ZNF407: variants seen among roughly 807,000 people sequenced by gnomAD.
The protein encoded by ZNF407 is zinc finger protein 407.
In ZNF407, 17 loss-of-function variants were observed where a neutral mutation model predicts 131.2. The ratio of observed to expected loss-of-function variants is 0.13; its 90% CI spans 0.09 to 0.19. The LOEUF (loss-of-function observed/expected upper bound fraction) is 0.19. ZNF407 is among the 10% of genes least tolerant of loss of function. The pLI is 1.00. For synonymous variants in ZNF407, 1,156 were observed against 1,062.0 expected, an observed-to-expected ratio of 1.09 and a Z score of -1.72; for missense variants, 2,681 against 2,830.6, an observed-to-expected ratio of 0.95 and a Z score of 1.20.
chr18:74,632,548 A>C lies in ZNF407; in HGVS notation c.1529A>C (p.Asp510Ala). ...EQGQGSARPPDSGLHSLTVKP... is the reference protein window; with the variant it reads ...EQGQGSARPPASGLHSLTVKP... ...GGCCAGGGGAGTGCCCGTCCTCCGG[A>C]CTCCGGGCTGCATTCCCTGACAGTG... The change falls in exon 2 of 9, where the codon GAC (aspartate) becomes GCC (alanine). Residue 510 changes from aspartate (D) to alanine (A), a missense_variant. Physicochemically the swap from Asp to Ala is moderately radical, Grantham distance 126. Around this residue, in one of 6 missense-constraint regions of ZNF407, gnomAD observed 1,789 missense variants for 1,748.7 expected, o/e 1.02. Coordinates refer to ENST00000299687, the MANE Select transcript of ZNF407 (RefSeq NM_017757.3). The C allele has an allele frequency of 1.2e-6, 2 of 1,613,948 alleles. No homozygotes were observed. Among genetic ancestry groups the C allele is most frequent in the Non-Finnish European group, 1.7e-6 (2 of 1,179,894 alleles).
intron 3 of ZNF407, among the ~76,000 whole-genome samples, chr18:74,677,023 G>C (rs2144767417): frequency 6.6e-6 from 1 of 152,200 alleles, no homozygotes; most frequent in East Asian, 1.9e-4. Context: ...TTGGACCCCT[G>C]CAGCTGGGAC....
intron 3 of ZNF407, among the ~76,000 whole-genome samples, chr18:74,718,777 T>C (rs1599096029): frequency 6.6e-6 from 1 of 152,214 alleles, no homozygotes; most frequent in African/African-American, 2.4e-5. Context: ...ATCTACTTAT[T>C]CTAGTAGCTT....
intron 7 of ZNF407, among the ~76,000 whole-genome samples, chr18:74,895,715 T>G (rs1201407846): frequency 2.0e-5 from 3 of 152,218 alleles, no homozygotes; most frequent in Non-Finnish European, 4.4e-5. Context: ...CACTTTATGT[T>G]GATAATGCAT....
intron 7 of ZNF407, 121 bp downstream of exon 7, chr18:74,890,159 A>G (rs1483667107): frequency 1.5e-5 from 17 of 1,138,888 alleles, no homozygotes; most frequent in South Asian, 6.1e-5. Context: ...TTCGGTTGGG[A>G]GCTAATTACC....
At chr18:74,831,768 C>T (rs1395805408) in intron 4 of ZNF407, among the ~76,000 whole-genome samples, 1 of 152,168 alleles carries the variant, frequency 6.6e-6, no homozygotes, top group Non-Finnish European at 1.5e-5. Context: ...TGTGCATCAC[C>T]CTGAGTGTGG....
At chr18:74,622,050 G>A (rs946975060) in intron 1 of ZNF407, among the ~76,000 whole-genome samples, 3 of 152,140 alleles carry the variant, frequency 2.0e-5, no homozygotes, top group African/African-American at 7.2e-5. Context: ...ACTTGCAGTT[G>A]TAAACCTTTT....
chr18:75,017,507 T>C (rs999089256), intron 8 of ZNF407, among the ~76,000 whole-genome samples: 2 of 152,110 alleles, frequency 1.3e-5, no homozygotes, highest in African/African-American at 4.8e-5. Flanking sequence ...GTAGCCAAGA[T>C]ATCAGTGCTA....
At chr18:74,612,958 G>A (rs1239316614) in intron 1 of ZNF407, among the ~76,000 whole-genome samples, 1 of 152,164 alleles carries the variant, frequency 6.6e-6, no homozygotes, top group Non-Finnish European at 1.5e-5. Context: ...GTTTATTTAC[G>A]TCCTTTTTTA....
intron 1 of ZNF407, among the ~76,000 whole-genome samples, chr18:74,610,138 A>G (rs1055541828): frequency 1.3e-5 from 2 of 152,196 alleles, no homozygotes; most frequent in African/African-American, 4.8e-5. Context: ...CCTGCAATAC[A>G]CAAGCCACTC....
At position 75,064,203 on chromosome 18, in the gene ZNF407, G is replaced by C. The variant is rs986794830; in HGVS notation, c.6482G>C (p.Gly2161Ala). The change falls in exon 9 of 9, where the codon GGC becomes GCC. Residue 2161 changes from glycine to alanine, a missense_variant. This residue lies in a region of ZNF407 where 620 missense variants were observed against 583.1 expected (regional missense o/e 1.06). Transcript: ENST00000299687. ...LVQAMVQESSGGFSEGTTHYI... is the reference protein window; with the variant it reads ...LVQAMVQESSAGFSEGTTHYI... ...CAGGCCATGGTGCAGGAGTCCAGTG[G>C]CGGCTTCTCCGAGGGCACCACGCAC... is the stretch of plus-strand genomic sequence containing the variant. 3 of 1,605,394 alleles carry C rather than the reference G, an allele frequency of 1.9e-6. No homozygotes were observed. In the African/African-American group the frequency reaches 4.0e-5, roughly 21 times the overall value.
chr18:74,601,370 A>T (rs1157369511), intron 1 of ZNF407, among the ~76,000 whole-genome samples: 3 of 141,070 alleles, frequency 2.1e-5, no homozygotes, highest in African/African-American at 7.9e-5. Flanking sequence ...TGTGTCCTTC[A>T]CAAGATTATG....
intron 8 of ZNF407, among the ~76,000 whole-genome samples, chr18:74,922,846 A>G (rs1971864622): frequency 6.6e-6 from 1 of 152,224 alleles, no homozygotes; most frequent in African/African-American, 2.4e-5. Context: ...CCTTCGGGGA[A>G]GATGGGCTCC....
intron 8 of ZNF407, among the ~76,000 whole-genome samples, chr18:75,058,881 T>A (rs1456096367): frequency 1.3e-5 from 2 of 152,248 alleles, no homozygotes; most frequent in African/African-American, 4.8e-5. Flanking sequence ...TCATCATGGT[T>A]GAAATGGAAG....
chr18:74,925,102 G>A (rs1016404536), intron 8 of ZNF407, among the ~76,000 whole-genome samples: 1 of 152,052 alleles, frequency 6.6e-6, no homozygotes, highest in African/African-American at 2.4e-5. Flanking sequence ...TAATGATATG[G>A]TATTTTTCTT....
At chr18:74,755,257 A>G (rs1000403485) in intron 3 of ZNF407, among the ~76,000 whole-genome samples, 1 of 151,742 alleles carries the variant, frequency 6.6e-6, no homozygotes, top group South Asian at 2.1e-4. Flanking sequence ...TGCACATGAG[A>G]TGGGTCTCCT....
chr18:74,647,342 G>C (rs543332506), intron 3 of ZNF407, among the ~76,000 whole-genome samples: 2 of 152,196 alleles, frequency 1.3e-5, no homozygotes, highest in Admixed American at 1.3e-4. Context: ...TGTTTGAGGG[G>C]CTGCAGAGGG....
In ZNF407 at chr18:74,633,369, G is replaced by A; in HGVS notation, c.2350G>A (p.Asp784Asn). ...TGAAAGGGTATGTATAGGTGCAAAT[G>A]ATAAAAAAGAAGAGTTTGATGTTTC... ...CIERVCIGAN[D>N]KKEEFDVSGN... The change falls in exon 2 of 9, where the codon GAT becomes AAT. Residue 784 changes from aspartate (D) to asparagine (N), a missense_variant. Physicochemically the swap from Asp to Asn is conservative, Grantham distance 23 (BLOSUM62 1). Transcript: ENST00000299687. 1 of 1,613,916 alleles carries A rather than the reference G, an allele frequency of 6.2e-7. No individual in the cohort carries two copies. The highest frequency in any genetic ancestry group is 1.1e-5 in the South Asian group (1 of 91,072).
chr18:74,945,012 G>A (rs1415040033), intron 8 of ZNF407, among the ~76,000 whole-genome samples: 5 of 152,104 alleles, frequency 3.3e-5, no homozygotes, highest in East Asian at 1.9e-4. Flanking sequence ...AACAGCCAGC[G>A]ACGACTCGTA....
In ZNF407 at chr18:74,633,225, T is replaced by C; in HGVS notation, c.2206T>C (p.Cys736Arg). The change falls in exon 2 of 9, where the codon TGT becomes CGT. Residue 736 changes from cysteine to arginine, a missense_variant. By Grantham distance (180) the Cys-to-Arg change is radical (BLOSUM62 -3). Around this residue, in one of 6 missense-constraint regions of ZNF407, gnomAD observed 1,789 missense variants for 1,748.7 expected, o/e 1.02. Coordinates refer to ENST00000299687, the MANE Select transcript of ZNF407 (RefSeq NM_017757.3). ...LRHGQDYHFLCKACNLYSLSK... is the reference protein window; with the variant it reads ...LRHGQDYHFLRKACNLYSLSK... ...GCATGGTCAAGACTATCATTTTCTT[T>C]GTAAAGCTTGTAATCTTTATTCATT... The C allele has an allele frequency of 6.2e-7, 1 of 1,613,904 alleles. No homozygotes were observed. Among genetic ancestry groups the C allele is most frequent in the Non-Finnish European group, 8.5e-7 (1 of 1,179,858 alleles).
Sources: allele counts gnomAD v4.1 joint callset (sites outside exome capture counted in the v4.1 genomes callset), GRCh38; gene constraint gnomAD v4.1.1; regional missense constraint gnomAD v4.1.1; transcripts MANE v1.5; gene names NCBI Gene and HGNC (gene_info 2026-07-23, HGNC 2026-07-21).